Variants in RAD51 observed in about 807,000 individuals in gnomAD.
RAD51 encodes DNA repair protein RAD51 homolog 1.
A neutral mutation model predicts 41.5 loss-of-function variants in RAD51; 14 were observed. The ratio of observed to expected loss-of-function variants is 0.34; its 90% CI spans 0.22 to 0.53. The LOEUF is 0.53. RAD51 is among the 20% of genes least tolerant of loss of function. RAD51 has a pLI of 0.95. For missense variants in RAD51, 234 were observed against 422.0 expected, an observed-to-expected ratio of 0.55 and a Z score of 3.90; for synonymous variants, 136 against 148.6, an observed-to-expected ratio of 0.92 and a Z score of 0.62.
At position 40,698,839 on chromosome 15, in the gene RAD51, G is replaced by A. The variant is rs1261849229; in HGVS notation, c.81G>A (p.Arg27=). 1 of 1,613,780 alleles carries A rather than the reference G, an allele frequency of 6.2e-7. No homozygotes were observed. The highest frequency in any genetic ancestry group is 2.2e-5 in the East Asian group (1 of 44,890). Residue 27 remains arginine, a synonymous_variant, in exon 2 of 10, where the codon CGG becomes CGA. Coordinates refer to ENST00000267868, the MANE Select transcript of RAD51 (RefSeq NM_002875.5). ...EESFGPQPIS[R]LEQCGINAND... is the part of the protein sequence containing the mutation. ...GCTTTGGCCCACAACCCATTTCACG[G>A]TTAGAGGTATGTGGTTAGTTGCTAA...
At chr15:40,713,397 C>A (rs542152714) in intron 5 of RAD51, among the ~76,000 whole-genome samples, 193 of 150,692 alleles carry the variant, frequency 1.3e-3, no homozygotes, top group African/African-American at 4.6e-3. Flanking sequence ...GCCTGCCACC[C>A]AACACAGCTA....
At chr15:40,708,972 C>T (rs1458593772) in intron 4 of RAD51, 53 bp from the exon 5 acceptor site, 5 of 1,415,146 alleles carry the variant, frequency 3.5e-6, no homozygotes, top group African/African-American at 1.4e-5. Context: ...TCTATGACTA[C>T]AGTTTCTACA....
At position 40,718,880 on chromosome 15, in the gene RAD51, C is replaced by T. The variant is rs1896120705; in HGVS notation, c.511C>T (p.Leu171=). The T allele has an allele frequency of 1.2e-6, 2 of 1,612,450 alleles. No individual in the cohort carries two copies. Among genetic ancestry groups the T allele is most frequent in the Middle Eastern group, 1.6e-4 (1 of 6,062 alleles). Residue 171 remains leucine (L), a synonymous_variant, in exon 6 of 10, where the codon CTG becomes TTG. Coordinates refer to ENST00000267868, the MANE Select transcript of RAD51 (RefSeq NM_002875.5). ...TGAGGGTACCTTTAGGCCAGAACGG[C>T]TGCTGGCAGTGGCTGAGAGGTAGGT... ...DTEGTFRPER[L]LAVAERYGLS...
At position 40,713,104 on chromosome 15, in the gene RAD51, C is replaced by T. The variant is rs1207082652; in HGVS notation, c.435+3988C>T. On this transcript the variant is annotated intron_variant, in intron 5 of 9. Coordinates refer to ENST00000267868, the MANE Select transcript of RAD51 (RefSeq NM_002875.5). Reference sequence around the variant, plus strand: ...CCATGTTGGCCAGGCTGGTCTCAAACTCCTGACCTCAAGTTAATCTGCCCG... The same window carrying T: ...CCATGTTGGCCAGGCTGGTCTCAAATTCCTGACCTCAAGTTAATCTGCCCG... 2.7e-4 allele frequency among the ~76,000 whole-genome samples: 41 copies of T among 151,764 alleles called. 1 individual carries two copies. The highest frequency in any genetic ancestry group is 6.0e-4 in the Non-Finnish European group (41 of 67,938).
intron 6 of RAD51, among the ~76,000 whole-genome samples, chr15:40,726,928 A>G (rs1407947736): frequency 2.0e-5 from 3 of 149,614 alleles, no homozygotes; most frequent in Admixed American, 6.6e-5. Flanking sequence ...AAAAAAAAAA[A>G]GAGGATGGTA....
At chr15:40,705,108 C>A (rs1260851741) in intron 3 of RAD51, among the ~76,000 whole-genome samples, 1 of 152,224 alleles carries the variant, frequency 6.6e-6, no homozygotes, top group South Asian at 2.1e-4. Context: ...CCACACCCAG[C>A]CTTCTTTTCT....
At chr15:40,704,115 C>A (rs1273627983) in intron 3 of RAD51, among the ~76,000 whole-genome samples, 2 of 151,774 alleles carry the variant, frequency 1.3e-5, no homozygotes, top group Non-Finnish European at 2.9e-5. Flanking sequence ...CCCTCTGTGC[C>A]CAGGCTGGAG....
At chr15:40,725,281 C>T (rs904656976) in intron 6 of RAD51, among the ~76,000 whole-genome samples, 2 of 152,190 alleles carry the variant, frequency 1.3e-5, no homozygotes, top group African/African-American at 4.8e-5. Flanking sequence ...ATTCTCCCTC[C>T]TCGGCCTCCC....
intron 4 of RAD51, among the ~76,000 whole-genome samples, chr15:40,707,463 T>C (rs867278649): frequency 6.6e-6 from 1 of 152,118 alleles, no homozygotes; most frequent in Admixed American, 6.6e-5. Flanking sequence ...AGTGCCACCA[T>C]GCCCAGCTAA....
chr15:40,698,703 G>A (rs1264637954), intron 1 of RAD51, 54 bp from the exon 2 acceptor site: 1 of 1,505,196 alleles, frequency 6.6e-7, no homozygotes, highest in African/African-American at 1.4e-5. Flanking sequence ...GATGGGGAGA[G>A]AGATGCACCT....
chr15:40,730,084 CACTT>C (rs1226208252), intron 9 of RAD51, 110 bp downstream of exon 9: 8 of 1,407,564 alleles, frequency 5.7e-6, no homozygotes, highest in Non-Finnish European at 7.9e-6. Context: ...GTTGTATAGA[CACTT>C]AGGAACTCTT....
chr15:40,729,546 G>T lies in RAD51; in HGVS notation c.686G>T (p.Arg229Ile). 6.2e-7 allele frequency: 1 copy of T among 1,614,006 alleles called. No homozygotes were observed. The highest frequency in any genetic ancestry group is 1.1e-5 in the South Asian group (1 of 91,052). Residue 229 changes from arginine (R) to isoleucine (I), a missense_variant, in exon 8 of 10, where the codon AGA becomes ATA. By Grantham distance (97) the Arg-to-Ile change is moderately conservative. This residue lies in a region of RAD51 where 134 missense variants were observed against 286.5 expected (regional missense o/e 0.47). Transcript: ENST00000267868. ...GTAGACAGTGCCACCGCCCTTTACAGAACAGACTACTCGGGTCGAGGTGAG... is the reference window on the plus strand; with the variant it reads ...GTAGACAGTGCCACCGCCCTTTACATAACAGACTACTCGGGTCGAGGTGAG... ...LIVDSATALY[R>I]TDYSGRGELS... is the part of the protein sequence containing the mutation.
chr15:40,695,927 T>C (rs1894597152), intron 1 of RAD51: 1 of 152,166 alleles, frequency 6.6e-6, no homozygotes, highest in South Asian at 2.1e-4. Context: ...CAGGCTGGAG[T>C]GTAGTGGCGC....
intron 1 of RAD51, among the ~76,000 whole-genome samples, chr15:40,697,141 C>A (rs142909602): frequency 1.3e-5 from 2 of 152,094 alleles, no homozygotes; most frequent in Non-Finnish European, 2.9e-5. Context: ...GCTCTTGTTG[C>A]CCAGGCTGGA....
chr15:40,707,150 ATTTTTTTTTTTTTT>A (rs751900607), intron 4 of RAD51, among the ~76,000 whole-genome samples: 2 of 93,612 alleles, frequency 2.1e-5, no homozygotes, highest in Non-Finnish European at 4.2e-5. Flanking sequence ...CACCTGGCTA[ATTTTTTTTTTTTTT>A]TTTTTTTTTT....
At chr15:40,712,862 T>TTTTTC (rs1555427813) in intron 5 of RAD51, among the ~76,000 whole-genome samples, 7 of 140,842 alleles carry the variant, frequency 5.0e-5, no homozygotes, top group Non-Finnish European at 6.0e-5. Context: ...GTTGAGTTTT[T>TTTTTC]TTTTCTTTTC....
intron 1 of RAD51, among the ~76,000 whole-genome samples, chr15:40,697,169 T>G (rs1894693679): frequency 6.6e-6 from 1 of 152,176 alleles, no homozygotes; most frequent in African/African-American, 2.4e-5. Flanking sequence ...GGCACAATCT[T>G]GGCTCACCGC....
rs200801013 is a variant in RAD51, at chr15:40,709,104, T to C, written c.423T>C (p.Ala141=). The C allele has an allele frequency of 5.9e-5, 95 of 1,613,164 alleles. No homozygotes were observed. Among genetic ancestry groups the C allele is most frequent in the Non-Finnish European group, 7.5e-5 (89 of 1,179,112 alleles). Residue 141 remains alanine, a synonymous_variant, in exon 5 of 10, where the codon GCT becomes GCC. Coordinates refer to ENST00000267868, the MANE Select transcript of RAD51 (RefSeq NM_002875.5). ...TGKTQICHTL[A]VTCQLPIDRG... is the part of the protein sequence containing the mutation. The stretch of plus-strand genomic sequence containing the variant: ...AGACCCAGATCTGTCATACGCTAGC[T>C]GTCACCTGCCAGGTGAGCTGTTGGG...
chr15:40,707,681 A>T (rs143318886), intron 4 of RAD51, among the ~76,000 whole-genome samples: 195 of 152,166 alleles, frequency 1.3e-3, no homozygotes, highest in African/African-American at 4.6e-3. Context: ...GGCTAGGTGC[A>T]TAGAAATTTC....
Sources: allele counts gnomAD v4.1 joint callset (sites outside exome capture counted in the v4.1 genomes callset), GRCh38; gene constraint gnomAD v4.1.1; regional missense constraint gnomAD v4.1.1; transcripts MANE v1.5; gene names NCBI Gene and HGNC (gene_info 2026-07-23, HGNC 2026-07-21).